Variants in MYZAP observed in about 807,000 individuals in gnomAD.
MYZAP encodes myocardial zonula adherens protein, also known as GRINL1A complex locus upstream.
A neutral mutation model predicts 69.4 loss-of-function variants in MYZAP; 66 were observed. The ratio of observed to expected loss-of-function variants is 0.95; its 90% CI spans 0.78 to 1.17. The LOEUF is 1.17. Ranked by LOEUF, MYZAP falls within the 50% of genes most tolerant of loss-of-function variation. The probability of loss-of-function intolerance (pLI) is 0.00; values close to 1 mark genes in which losing one functional copy is unlikely to be tolerated. For missense variants in MYZAP, 611 were observed against 556.2 expected, an observed-to-expected ratio of 1.10 and a Z score of -0.99; for synonymous variants, 256 against 205.9, an observed-to-expected ratio of 1.24 and a Z score of -2.09.
intron 2 of MYZAP, among the ~76,000 whole-genome samples, chr15:57,604,733 G>C (rs187820884): frequency 1.8e-3 from 277 of 152,338 alleles, no homozygotes; most frequent in African/African-American, 6.5e-3. Context: ...TTTCTCAGCA[G>C]CTTGGAGCAG....
chr15:57,621,622 G>A lies in MYZAP; in HGVS notation c.333G>A (p.Leu111=), dbSNP rs755195995. ...GTGGGCTACAGGTGAGAGCCACTTT[G>A]GAAAAGGTGAGAAAGCGAATGTATG... ...MNYIKDVRAT[L]EKVRKRMYGD... is the part of the protein sequence containing the mutation. Residue 111 remains leucine, a synonymous_variant, in exon 4 of 13, where the codon TTG becomes TTA. Transcript: ENST00000267853. 6.2e-7 allele frequency: 1 copy of A among 1,613,654 alleles called. No homozygotes were observed. The highest frequency in any genetic ancestry group is 1.1e-5 in the South Asian group (1 of 91,030).
At chr15:57,611,347 T>C (rs1283158296) in intron 2 of MYZAP, among the ~76,000 whole-genome samples, 4 of 152,188 alleles carry the variant, frequency 2.6e-5, no homozygotes, top group African/African-American at 9.7e-5. Flanking sequence ...TCAGAGAAAC[T>C]CTGTTTAGGA....
intron 12 of MYZAP, among the ~76,000 whole-genome samples, chr15:57,681,187 T>G (rs1256583735): frequency 6.6e-6 from 1 of 152,188 alleles, no homozygotes; most frequent in Non-Finnish European, 1.5e-5. Context: ...TCACAGGAGT[T>G]GGCACAAATA....
chr15:57,613,002 G>C (rs1567205545), intron 2 of MYZAP, among the ~76,000 whole-genome samples: 1 of 152,032 alleles, frequency 6.6e-6, no homozygotes, highest in Non-Finnish European at 1.5e-5. Context: ...TGCGATCTCG[G>C]CTCACTGCAA....
chr15:57,651,890 G>T (rs1459511093), intron 10 of MYZAP, among the ~76,000 whole-genome samples: 1 of 152,126 alleles, frequency 6.6e-6, no homozygotes, highest in Non-Finnish European at 1.5e-5. Flanking sequence ...GAGCCAGAGT[G>T]CTCCTCCTCT....
intron 10 of MYZAP, chr15:57,646,704 A>T: frequency 2.0e-6 from 2 of 987,426 alleles, no homozygotes; most frequent in African/African-American, 1.7e-5. Flanking sequence ...TGTATATGGG[A>T]GGTGGCCCTG....
intron 12 of MYZAP, among the ~76,000 whole-genome samples, chr15:57,678,494 C>T (rs1237725966): frequency 3.3e-5 from 5 of 152,132 alleles, no homozygotes; most frequent in Non-Finnish European, 7.4e-5. Flanking sequence ...ATGTAGAACA[C>T]TATATAAAAT....
chr15:57,663,109 T>C (rs1286298471), intron 11 of MYZAP, among the ~76,000 whole-genome samples: 1 of 152,058 alleles, frequency 6.6e-6, no homozygotes, highest in African/African-American at 2.4e-5. Flanking sequence ...AGAAAATGAG[T>C]GCCCTAGTGG....
intron 10 of MYZAP, chr15:57,648,567 T>A: frequency 2.7e-6 from 2 of 751,182 alleles, no homozygotes; most frequent in Non-Finnish European, 3.2e-6. Flanking sequence ...CTTAGAGTCT[T>A]AAAAAATAAG....
intron 5 of MYZAP, among the ~76,000 whole-genome samples, chr15:57,627,558 G>A (rs913050848): frequency 1.1e-4 from 17 of 152,104 alleles, no homozygotes; most frequent in African/African-American, 4.1e-4. Context: ...TCTGAAGAGA[G>A]CTGGCTTCTT....
intron 3 of MYZAP, among the ~76,000 whole-genome samples, chr15:57,618,975 C>G (rs374067292): frequency 1.6e-4 from 25 of 152,236 alleles, no homozygotes; most frequent in African/African-American, 6.0e-4. Flanking sequence ...TCAACCTAGG[C>G]CTGTGAGCTC....
At chr15:57,611,010 CAGAT>C (rs1277864739) in intron 2 of MYZAP, among the ~76,000 whole-genome samples, 7 of 152,078 alleles carry the variant, frequency 4.6e-5, no homozygotes, top group Admixed American at 4.6e-4. Context: ...CAGACTCATT[CAGAT>C]AGACATGTAG....
intron 2 of MYZAP, among the ~76,000 whole-genome samples, chr15:57,606,150 G>A (rs921054098): frequency 1.3e-5 from 2 of 152,136 alleles, no homozygotes; most frequent in African/African-American, 4.8e-5. Flanking sequence ...TCACCCCAGC[G>A]GATTACTGAT....
At chr15:57,610,505 C>A (rs535633281) in intron 2 of MYZAP, among the ~76,000 whole-genome samples, 3 of 152,124 alleles carry the variant, frequency 2.0e-5, no homozygotes, top group Non-Finnish European at 4.4e-5. Flanking sequence ...GAGATAACAG[C>A]CCCTGGAGGA....
chr15:57,663,149 A>G (rs1291760761), intron 11 of MYZAP, among the ~76,000 whole-genome samples: 1 of 152,196 alleles, frequency 6.6e-6, no homozygotes. Context: ...GAAGGCAGTC[A>G]CAGGAGAGAG....
chr15:57,596,190 C>G (rs923936835), intron 1 of MYZAP, among the ~76,000 whole-genome samples: 5 of 152,104 alleles, frequency 3.3e-5, no homozygotes, highest in Non-Finnish European at 5.9e-5. Flanking sequence ...GATTTTGACC[C>G]ATTTGTCTCT....
intron 10 of MYZAP, chr15:57,645,993 C>G (rs1430689814): frequency 2.7e-6 from 1 of 367,440 alleles, no homozygotes; most frequent in Non-Finnish European, 5.2e-6. Flanking sequence ...ATGTGCAACA[C>G]ACGAAAGTAC....
At chr15:57,629,003 A>AGGC (rs2036325613) in intron 5 of MYZAP, among the ~76,000 whole-genome samples, 1 of 151,278 alleles carries the variant, frequency 6.6e-6, no homozygotes, top group Non-Finnish European at 1.5e-5. Flanking sequence ...GAATCGCTTG[A>AGGC]ACCTGGGAGG....
intron 5 of MYZAP, among the ~76,000 whole-genome samples, chr15:57,626,192 C>T (rs1232180795): frequency 1.3e-5 from 2 of 152,134 alleles, no homozygotes; most frequent in Non-Finnish European, 2.9e-5. Flanking sequence ...CAGTGCCTAA[C>T]CCCACACGTC....
Sources: allele counts gnomAD v4.1 joint callset (sites outside exome capture counted in the v4.1 genomes callset), GRCh38; gene constraint gnomAD v4.1.1; transcripts MANE v1.5; gene names NCBI Gene and HGNC (gene_info 2026-07-23, HGNC 2026-07-21).